ITGA7: variants seen among roughly 807,000 people sequenced by gnomAD.
The protein encoded by ITGA7 is integrin subunit alpha 7, also known as integrin alpha-7.
In ITGA7, 84 loss-of-function variants were observed where a neutral mutation model predicts 131.6. The ratio of observed to expected loss-of-function variants is 0.64; its 90% CI spans 0.54 to 0.77. The LOEUF (loss-of-function observed/expected upper bound fraction) is 0.77. Among genes scored for constraint, ITGA7 ranks in the 30% least tolerant of loss-of-function variants. The pLI is 0.00. For missense variants in ITGA7, 1,399 were observed against 1,482.9 expected (o/e 0.94, Z 0.93); for synonymous variants, 548 against 600.7 (o/e 0.91, Z 1.28).
chr12:55,712,245 G>A (rs757474608), upstream of ITGA7: 31 of 1,551,354 alleles, frequency 2.0e-5, no homozygotes, highest in South Asian at 9.5e-5. Context: ...GAAGGACTGG[G>A]AGGTCACTTA....
At chr12:55,702,683 G>A in intron 3 of ITGA7, 189 bp downstream of exon 3, 1 of 642,232 alleles carries the variant, frequency 1.6e-6, no homozygotes, top group Non-Finnish European at 2.8e-6. Flanking sequence ...TGAATGAATG[G>A]ACAGACATTT....
chr12:55,689,366 G>A (rs1271156036), intron 21 of ITGA7, among the ~76,000 whole-genome samples: 2 of 152,182 alleles, frequency 1.3e-5, no homozygotes, highest in Non-Finnish European at 2.9e-5. Flanking sequence ...CCTGCCTCAG[G>A]TCACAGCACT....
At chr12:55,685,414 A>G (rs895578890) in intron 24 of ITGA7, 126 bp from the exon 25 acceptor site, 1 of 867,002 alleles carries the variant, frequency 1.2e-6, no homozygotes, top group Admixed American at 2.0e-5. Flanking sequence ...TAGGCTGAAT[A>G]GCATCTGGTG....
chr12:55,698,271 C>A, intron 7 of ITGA7, 112 bp downstream of exon 7: 1 of 1,053,110 alleles, frequency 9.5e-7, no homozygotes, highest in Non-Finnish European at 1.4e-6. Context: ...GACATAAGCT[C>A]AGGGACCCTC....
chr12:55,696,780 A>G (rs1425610994), intron 12 of ITGA7, 119 bp downstream of exon 12: 16 of 1,144,640 alleles, frequency 1.4e-5, no homozygotes, highest in Non-Finnish European at 1.8e-5. Flanking sequence ...CAGGTTTCCC[A>G]CGTGTCTAGG....
chr12:55,692,988 G>A lies in ITGA7; in HGVS notation c.2713-13C>T, dbSNP rs372529008. 7 of 1,613,742 alleles carry A rather than the reference G, an allele frequency of 4.3e-6. No individual in the cohort carries two copies. The highest frequency in any genetic ancestry group is 5.1e-6 in the Non-Finnish European group (6 of 1,180,022). On this transcript the variant is annotated splice_polypyrimidine_tract_variant and intron_variant, in intron 20 of 24. Coordinates refer to ENST00000257879, the MANE Select transcript of ITGA7 (RefSeq NM_002206.3). ...TACTGTCCACATCCTGGACACGGAA[G>A]GGGGGTCTTAGTGAGTGTCCCTCCA...
At chr12:55,708,483 G>A (rs1875696407), upstream of ITGA7, among the ~76,000 whole-genome samples, 1 of 151,966 alleles carries the variant, frequency 6.6e-6, no homozygotes, top group African/African-American at 2.4e-5. Flanking sequence ...GGATTCAAGG[G>A]AACAGAGAAA....
intron 21 of ITGA7, among the ~76,000 whole-genome samples, chr12:55,691,545 C>T (rs2135978468): frequency 6.6e-6 from 1 of 152,166 alleles, no homozygotes; most frequent in South Asian, 2.1e-4. Context: ...TATAGCCATT[C>T]CACAGTATAT....
At chr12:55,709,779 T>G (rs1875894070), upstream of ITGA7, among the ~76,000 whole-genome samples, 1 of 149,874 alleles carries the variant, frequency 6.7e-6, no homozygotes, top group Non-Finnish European at 1.5e-5. Context: ...TCCACTGGCT[T>G]CTGTGATCCA....
In ITGA7 at chr12:55,687,976, A is replaced by G. The variant is rs1433612729; in HGVS notation, c.3178T>C (p.Trp1060Arg). ...LVLALLVLLL[W>R]KMGFFKRAKH... ...GCCCCACCTCCAAGCCTCACCTTCC[A>G]CAGGAGCAGCACCAGCAGTGCTAGC... Residue 1060 changes from tryptophan (W) to arginine (R), a missense_variant, in exon 24 of 25, where the codon TGG becomes CGG. Transcript: ENST00000257879. The G allele has an allele frequency of 1.2e-6, 2 of 1,614,148 alleles. No individual in the cohort carries two copies. Among genetic ancestry groups the G allele is most frequent in the East Asian group, 4.5e-5 (2 of 44,874 alleles).
chr12:55,707,820 G>GGCCAGAC lies in ITGA7; in HGVS notation c.-139_-138insGTCTGGC. 1 of 1,455,778 alleles carries GGCCAGAC rather than the reference G, an allele frequency of 6.9e-7. No homozygotes were observed. The highest frequency in any genetic ancestry group is 9.1e-7 in the Non-Finnish European group (1 of 1,102,490). 90.2% of individuals were successfully genotyped at this position (1,455,778 alleles called of 1,614,324 possible). On this transcript the variant is annotated 5_prime_UTR_variant, in exon 1 of 25. Coordinates refer to ENST00000257879, the MANE Select transcript of ITGA7 (RefSeq NM_002206.3). ...CGTCTCCCAGACGTTCGCCCCGCCAGCCCTCCCGCCCGCCCGCCGCTCCGC... is the reference window on the plus strand; with the variant it reads ...CGTCTCCCAGACGTTCGCCCCGCCAGGCCAGACCCCTCCCGCCCGCCCGCCGCTCCGC...
At position 55,703,121 on chromosome 12, in the gene ITGA7, A is replaced by G; in HGVS notation, c.264T>C (p.Thr88=). The change falls in exon 2 of 25, where the codon ACT becomes ACC. Residue 88 remains threonine, a synonymous_variant. Transcript: ENST00000257879. The part of the protein sequence containing the change: ...LALPGQQANR[T]GGLFACPLSL... ...TCAACGGGCAAGCGAAGAGGCCTCC[A>G]GTGCGATTCGCCTGCTGCCCAGGAA... 6 of 1,613,830 alleles carry G rather than the reference A, an allele frequency of 3.7e-6. 1 individual carries two copies. The highest frequency in any genetic ancestry group is 1.7e-4 in the Middle Eastern group (1 of 5,982).
At position 55,707,888 on chromosome 12, in the gene ITGA7, G is replaced by A. The variant is rs1875591981; in HGVS notation, c.-206C>T. ...ACCGGCTAGGACAACTACAGCAGCC[G>A]CAGCTCCGGCGCCCACTCCGGCTCC... On this transcript the variant is annotated 5_prime_UTR_variant, in exon 1 of 25. Transcript: ENST00000257879. The A allele has an allele frequency of 5.7e-6, 8 of 1,399,288 alleles. No homozygotes were observed. In the South Asian group the frequency reaches 1.1e-4, roughly 19 times the overall value. The allele number at this position is 1,399,288 out of a possible 1,614,324, so 86.7% of individuals were successfully genotyped here. A position where few individuals can be genotyped will look rare whatever the true frequency, so the allele number is the denominator to read the frequency against.
intron 5 of ITGA7, 43 bp downstream of exon 5, chr12:55,699,827 C>T (rs1873551470): frequency 1.3e-6 from 2 of 1,576,424 alleles, no homozygotes; most frequent in South Asian, 1.2e-5. Flanking sequence ...GGAGGGGAGG[C>T]TGGGCCATGC....
At chr12:55,715,935 A>G, upstream of ITGA7, 1 of 1,294,474 alleles carries the variant, frequency 7.7e-7, no homozygotes, top group Non-Finnish European at 1.0e-6. Flanking sequence ...CTAAGCTCCC[A>G]ATAAAGAACA....
chr12:55,695,040 T>TC, intron 14 of ITGA7, 70 bp from the exon 15 acceptor site: 1 of 1,470,952 alleles, frequency 6.8e-7, no homozygotes, highest in Admixed American at 1.9e-5. Context: ...CCCAGTCTGC[T>TC]CCCCCAGTAC....
chr12:55,696,760 G>T (rs370773175), intron 12 of ITGA7, 139 bp downstream of exon 12: 2 of 960,676 alleles, frequency 2.1e-6, no homozygotes, highest in African/African-American at 1.6e-5. Flanking sequence ...GAGGAAGTGA[G>T]CTCAGAAGAC....
At chr12:55,705,371 CAAA>C (rs537771896) in intron 1 of ITGA7, among the ~76,000 whole-genome samples, 6 of 69,280 alleles carry the variant, frequency 8.7e-5, no homozygotes, top group Admixed American at 1.5e-4. Context: ...GAGAGAAAAG[CAAA>C]AAAAAAAAAA....
Position 55,697,761 on chromosome 12 carries a change from T to A in ITGA7, c.1343A>T (p.Asp448Val). 1 of 1,614,028 alleles carries A rather than the reference T, an allele frequency of 6.2e-7. No individual in the cohort carries two copies. The highest frequency in any genetic ancestry group is 1.1e-5 in the South Asian group (1 of 91,072). The change falls in exon 9 of 25, where the codon GAT (aspartate) becomes GTT (valine). Residue 448 changes from aspartate (D) to valine (V), a missense_variant. By Grantham distance (152) the Asp-to-Val change is radical. Coordinates refer to ENST00000257879, the MANE Select transcript of ITGA7 (RefSeq NM_002206.3). The part of the protein sequence containing the change: ...SFGYSLSGSL[D>V]MDGNQYPDLL... ...GTCAGGGTATTGGTTCCCATCCATATCCAAGCTGCCTGACAGGGAGTAGCC... is the reference window on the plus strand; with the variant it reads ...GTCAGGGTATTGGTTCCCATCCATAACCAAGCTGCCTGACAGGGAGTAGCC...
Sources: allele counts gnomAD v4.1 joint callset (sites outside exome capture counted in the v4.1 genomes callset), GRCh38; gene constraint gnomAD v4.1.1; transcripts MANE v1.5; gene names NCBI Gene and HGNC (gene_info 2026-07-23, HGNC 2026-07-21).